DLG2: variants seen among roughly 807,000 people sequenced by gnomAD.
DLG2 encodes disks large homolog 2.
DLG2 carries 45 observed loss-of-function variants against 132.5 expected under a neutral mutation model. That is an observed-to-expected ratio of 0.34 (90% CI 0.27 to 0.44). The LOEUF (loss-of-function observed/expected upper bound fraction) is 0.44, where lower values mean the gene tolerates loss of function less well. Ranked by LOEUF, DLG2 falls within the 20% of genes least tolerant of loss-of-function variation. DLG2 has a pLI of 1.00. For missense variants in DLG2, 1,045 were observed against 1,196.9 expected (o/e 0.87, Z 1.87); for synonymous variants, 424 against 419.6 (o/e 1.01, Z -0.13).
intron 6 of DLG2, among the ~76,000 whole-genome samples, chr11:84,833,278 G>C (rs560535703): frequency 6.6e-6 from 1 of 151,602 alleles, no homozygotes; most frequent in African/African-American, 2.4e-5. Flanking sequence ...CACATCAGCA[G>C]GCAGAGGTAG....
Position 83,874,463 on chromosome 11 carries a change from G to A in DLG2, c.1522C>T (p.Arg508Cys), listed in dbSNP as rs1353826872. 6 of 1,601,992 alleles carry A rather than the reference G, an allele frequency of 3.7e-6. No individual in the cohort carries two copies. The East Asian group carries it at 9.0e-5, about 24-fold the overall frequency. ...TSHSQHSTAT[R>C]QPSMTLQRAV... ...CGTTGGAGAGTCATTGAAGGCTGAC[G>A]AGTTGCGGTGCTATGTTGGGAATGA... is the stretch of plus-strand genomic sequence containing the variant. The change falls in exon 16 of 28, where the codon CGT becomes TGT. Residue 508 changes from arginine (R) to cysteine (C), a missense_variant. Physicochemically the swap from Arg to Cys is radical, Grantham distance 180. This residue lies in a region of DLG2 where 261 missense variants were observed against 256.1 expected (regional missense o/e 1.02). Coordinates refer to ENST00000376104, the MANE Select transcript of DLG2 (RefSeq NM_001142699.3).
intron 15 of DLG2, among the ~76,000 whole-genome samples, chr11:83,912,309 A>C (rs1317213635): frequency 1.3e-5 from 2 of 152,084 alleles, no homozygotes; most frequent in African/African-American, 4.8e-5. Context: ...TATCTTTAAG[A>C]TGTCTTGTTT....
intron 4 of DLG2, among the ~76,000 whole-genome samples, chr11:85,163,529 AAGG>A (rs1182175983): frequency 6.6e-6 from 1 of 152,180 alleles, no homozygotes; most frequent in African/African-American, 2.4e-5. Flanking sequence ...ACTGAAGACA[AAGG>A]AGGTTATCTA....
At chr11:84,935,464 A>T (rs189397567) in intron 6 of DLG2, among the ~76,000 whole-genome samples, 109 of 152,290 alleles carry the variant, frequency 7.2e-4, no homozygotes, top group African/African-American at 2.6e-3. Context: ...TTCATATTCT[A>T]TGATCCAGCC....
chr11:84,008,324 T>C lies in DLG2; in HGVS notation c.920-27682A>G, dbSNP rs1349340311. On this transcript the variant is annotated intron_variant, in intron 11 of 27. Transcript: ENST00000376104. The stretch of plus-strand genomic sequence containing the variant: ...TTTAAGAGTCTCTATCAGTTTCATA[T>C]GGACATAAATACAATTTAATTAATA... Among the ~76,000 whole-genome samples the C allele has an allele frequency of 2.6e-5, 4 of 151,972 alleles. No individual in the cohort carries two copies. The East Asian group carries it at 7.7e-4, about 29-fold the overall frequency.
chr11:84,730,295 C>T (rs1416318893), intron 6 of DLG2, among the ~76,000 whole-genome samples: 1 of 151,882 alleles, frequency 6.6e-6, no homozygotes, highest in Non-Finnish European at 1.5e-5. Flanking sequence ...GTAATAATAC[C>T]TCTGTCACAG....
chr11:84,828,759 T>C (rs1238088682), intron 6 of DLG2, among the ~76,000 whole-genome samples: 2 of 151,770 alleles, frequency 1.3e-5, no homozygotes, highest in East Asian at 2.0e-4. Flanking sequence ...CAGTACATAA[T>C]CTCAGAAACA....
In DLG2 at chr11:85,511,967, A is replaced by G. The variant is rs148673411; in HGVS notation, c.40+86690T>C. 4.1e-3 allele frequency among the ~76,000 whole-genome samples: 625 copies of G among 152,184 alleles called. 8 individuals carry two copies. Among genetic ancestry groups the G allele is most frequent in the African/African-American group, 0.013 (545 of 41,538 alleles). On this transcript the variant is annotated intron_variant, in intron 3 of 27. Coordinates refer to ENST00000376104, the MANE Select transcript of DLG2 (RefSeq NM_001142699.3). ...AGGCTGGTAAACCTTTGAAGCTTCA[A>G]AATGAAATATTAATTGTTCATACCA...
intron 18 of DLG2, among the ~76,000 whole-genome samples, chr11:83,704,411 A>C (rs894172981): frequency 9.2e-5 from 14 of 152,182 alleles, no homozygotes; most frequent in African/African-American, 2.9e-4. Context: ...ATTATTGCTT[A>C]GTTCTTCAAT....
At chr11:83,977,602 C>T (rs1186019850) in intron 12 of DLG2, among the ~76,000 whole-genome samples, 1 of 152,002 alleles carries the variant, frequency 6.6e-6, no homozygotes, top group Non-Finnish European at 1.5e-5. Flanking sequence ...GAGAAAAATA[C>T]AAGACAGTCT....
At chr11:84,364,398 A>C (rs1295551670) in intron 7 of DLG2, among the ~76,000 whole-genome samples, 1 of 152,148 alleles carries the variant, frequency 6.6e-6, no homozygotes, top group African/African-American at 2.4e-5. Flanking sequence ...TATCAGCTTA[A>C]GGAGATTTTG....
chr11:85,044,488 T>C (rs2062145975), intron 6 of DLG2, among the ~76,000 whole-genome samples: 1 of 152,014 alleles, frequency 6.6e-6, no homozygotes, highest in Admixed American at 6.6e-5. Context: ...ATTATATTCA[T>C]TCCTCTGATT....
intron 6 of DLG2, among the ~76,000 whole-genome samples, chr11:85,048,620 C>T (rs180941419): frequency 6.8e-4 from 103 of 152,048 alleles, no homozygotes; most frequent in Non-Finnish European, 1.2e-3. Flanking sequence ...AAACATTATC[C>T]TATTATTTAG....
At chr11:83,901,283 T>C (rs994515626) in intron 15 of DLG2, among the ~76,000 whole-genome samples, 4 of 152,130 alleles carry the variant, frequency 2.6e-5, no homozygotes, top group African/African-American at 9.7e-5. Context: ...TTGGGGGTTG[T>C]TGGGAAGGCA....
intron 3 of DLG2, among the ~76,000 whole-genome samples, chr11:85,396,304 A>G (rs147629111): frequency 1.1e-4 from 16 of 152,256 alleles, no homozygotes; most frequent in African/African-American, 3.9e-4. Flanking sequence ...GGTAGATATA[A>G]CCACAAACAT....
intron 6 of DLG2, among the ~76,000 whole-genome samples, chr11:84,991,773 A>G (rs1048611809): frequency 2.0e-5 from 3 of 152,130 alleles, no homozygotes; most frequent in Non-Finnish European, 4.4e-5. Context: ...ATCGTCCCAT[A>G]TTACTTCTTA....
intron 11 of DLG2, among the ~76,000 whole-genome samples, chr11:84,028,604 T>A (rs576304691): frequency 1.8e-4 from 27 of 152,186 alleles, no homozygotes; most frequent in African/African-American, 6.0e-4. Context: ...TACAGATGAA[T>A]TCTCTCTTGA....
chr11:85,153,147 A>G (rs1420484808), intron 5 of DLG2, among the ~76,000 whole-genome samples: 2 of 152,222 alleles, frequency 1.3e-5, no homozygotes, highest in African/African-American at 4.8e-5. Flanking sequence ...TTCAGGCACA[A>G]TAAAAAGTCA....
At chr11:84,466,011 G>A (rs960959223) in intron 7 of DLG2, among the ~76,000 whole-genome samples, 1 of 150,956 alleles carries the variant, frequency 6.6e-6, no homozygotes, top group African/African-American at 2.4e-5. Context: ...ACAGAAATAA[G>A]GTTGAGAAAA....
Sources: allele counts gnomAD v4.1 joint callset (sites outside exome capture counted in the v4.1 genomes callset), GRCh38; gene constraint gnomAD v4.1.1; regional missense constraint gnomAD v4.1.1; transcripts MANE v1.5; gene names NCBI Gene and HGNC (gene_info 2026-07-23, HGNC 2026-07-21).